The following VAT1L variants were observed in gnomAD, a reference collection of about 807,000 sequenced individuals.
The protein encoded by VAT1L is putative NADPH-dependent quinone oxidoreductase VAT1L.
VAT1L carries 34 observed loss-of-function variants against 44.1 expected under a neutral mutation model. That is an observed-to-expected ratio of 0.77 (90% CI 0.59 to 1.03). The LOEUF is 1.03. Ranked by LOEUF, VAT1L falls within the 50% of genes least tolerant of loss-of-function variation. The probability of loss-of-function intolerance (pLI) is 0.00; values close to 1 mark genes in which losing one functional copy is unlikely to be tolerated. For synonymous variants in VAT1L, 253 were observed against 202.2 expected (o/e 1.25, Z -2.13); for missense variants, 615 against 538.8 (o/e 1.14, Z -1.40).
intron 1 of VAT1L, among the ~76,000 whole-genome samples, chr16:77,794,407 C>T (rs1219348399): frequency 6.6e-6 from 1 of 152,142 alleles, no homozygotes; most frequent in Admixed American, 6.5e-5. Flanking sequence ...TGACTGTTGA[C>T]CCAGAACACC....
At chr16:77,790,811 GT>G (rs1232689073) in intron 1 of VAT1L, among the ~76,000 whole-genome samples, 1 of 152,158 alleles carries the variant, frequency 6.6e-6, no homozygotes, top group African/African-American at 2.4e-5. Flanking sequence ...ATAGTTCTGT[GT>G]TTTCCAGTCT....
intron 7 of VAT1L, among the ~76,000 whole-genome samples, chr16:77,947,406 A>C (rs1014050632): frequency 1.3e-5 from 2 of 152,216 alleles, no homozygotes; most frequent in African/African-American, 4.8e-5. Context: ...GGGTTTTAAC[A>C]GCATGTCTCA....
chr16:77,975,194 CTTTTTTTTTTTT>C (rs35017686), intron 8 of VAT1L, among the ~76,000 whole-genome samples: 18 of 39,862 alleles, frequency 4.5e-4, no homozygotes, highest in African/African-American at 1.1e-3. Flanking sequence ...GGAATGACCA[CTTTTTTTTTTTT>C]TTTTTTTTTT....
intron 7 of VAT1L, among the ~76,000 whole-genome samples, chr16:77,933,965 G>A (rs555221385): frequency 6.6e-6 from 1 of 152,170 alleles, no homozygotes; most frequent in Non-Finnish European, 1.5e-5. Context: ...TTTGGGCGAT[G>A]GAATGACGTG....
At position 77,788,656 on chromosome 16, in the gene VAT1L, C is replaced by T; in HGVS notation, c.-27C>T. The T allele has an allele frequency of 6.5e-7, 1 of 1,546,236 alleles. No individual in the cohort carries two copies. Among genetic ancestry groups the T allele is most frequent in the Non-Finnish European group, 8.7e-7 (1 of 1,145,350 alleles). On this transcript the variant is annotated 5_prime_UTR_variant, in exon 1 of 9. Coordinates refer to ENST00000302536, the MANE Select transcript of VAT1L (RefSeq NM_020927.3). ...GCCGCAGCCACCGCAGCCACCGCAG[C>T]CCGTGCGCCCCGCGCCCTCGAGCGC...
At chr16:77,844,775 A>G (rs748660398) in intron 3 of VAT1L, among the ~76,000 whole-genome samples, 2 of 152,134 alleles carry the variant, frequency 1.3e-5, no homozygotes, top group South Asian at 4.1e-4. Context: ...CCTGGAACCA[A>G]TCACACAAGG....
chr16:77,824,403 T>C (rs2016494107), intron 2 of VAT1L, among the ~76,000 whole-genome samples: 2 of 152,316 alleles, frequency 1.3e-5, no homozygotes, highest in Non-Finnish European at 2.9e-5. Context: ...TTGTGAAATG[T>C]ATTAGCTTTT....
intron 1 of VAT1L, among the ~76,000 whole-genome samples, chr16:77,803,821 T>G (rs3111350): frequency 0.89 from 134,663 of 152,158 alleles, 60,000 homozygotes; most frequent in Non-Finnish European, 0.94. Context: ...TTGGCTCCGA[T>G]GAGAAATCAA....
chr16:77,835,419 C>T (rs959461510), intron 3 of VAT1L, among the ~76,000 whole-genome samples: 2 of 152,112 alleles, frequency 1.3e-5, no homozygotes, highest in African/African-American at 2.4e-5. Flanking sequence ...CTGTGGCTGT[C>T]CCAGCATCAC....
intron 1 of VAT1L, among the ~76,000 whole-genome samples, chr16:77,805,654 AG>A (rs1401822416): frequency 6.6e-6 from 1 of 150,986 alleles, no homozygotes; most frequent in Non-Finnish European, 1.5e-5. Context: ...TAAAGTTCCG[AG>A]GCAGAGGGCT....
chr16:77,858,133 C>A (rs541410190), intron 3 of VAT1L, among the ~76,000 whole-genome samples: 59 of 152,112 alleles, frequency 3.9e-4, no homozygotes, highest in Non-Finnish European at 6.6e-4. Context: ...ACAGAGCTCA[C>A]AGATGGGGCA....
At chr16:77,863,019 G>A (rs895146945) in intron 4 of VAT1L, 129 bp downstream of exon 4, 6 of 1,159,650 alleles carry the variant, frequency 5.2e-6, no homozygotes, top group Non-Finnish European at 6.0e-6. Context: ...AGTATTATTA[G>A]CTCTGTGCCA....
intron 4 of VAT1L, among the ~76,000 whole-genome samples, chr16:77,869,865 C>G (rs930890092): frequency 6.6e-6 from 1 of 152,142 alleles, no homozygotes; most frequent in South Asian, 2.1e-4. Flanking sequence ...CTGCTTCACC[C>G]GATAGCAGTC....
chr16:77,931,490 A>C (rs530086373), intron 7 of VAT1L, among the ~76,000 whole-genome samples: 2 of 152,226 alleles, frequency 1.3e-5, no homozygotes, highest in Non-Finnish European at 2.9e-5. Flanking sequence ...GGGAAGGGGG[A>C]AAGAAGGGTT....
chr16:77,887,768 T>A (rs2017224231), intron 7 of VAT1L, among the ~76,000 whole-genome samples: 1 of 152,162 alleles, frequency 6.6e-6, no homozygotes. Context: ...TGAACATACT[T>A]CTTCCATCTT....
At chr16:77,956,223 A>T in intron 7 of VAT1L, among the ~76,000 whole-genome samples, 1 of 152,272 alleles carries the variant, frequency 6.6e-6, no homozygotes, top group Admixed American at 6.5e-5. Flanking sequence ...ACCCACAAAG[A>T]TTAAAAATTT....
At chr16:77,842,094 A>T (rs201247392) in intron 3 of VAT1L, among the ~76,000 whole-genome samples, 1 of 152,096 alleles carries the variant, frequency 6.6e-6, no homozygotes, top group African/African-American at 2.4e-5. Context: ...TCACCATGTT[A>T]GCCAGGATGG....
At chr16:77,851,201 G>A (rs2016805083) in intron 3 of VAT1L, among the ~76,000 whole-genome samples, 1 of 152,216 alleles carries the variant, frequency 6.6e-6, no homozygotes, top group South Asian at 2.1e-4. Flanking sequence ...CTGTGGTAGG[G>A]TAGAGCAGGG....
intron 7 of VAT1L, among the ~76,000 whole-genome samples, chr16:77,903,273 C>A (rs961430961): frequency 6.6e-6 from 1 of 152,134 alleles, no homozygotes; most frequent in Non-Finnish European, 1.5e-5. Context: ...TGATATTCCC[C>A]CCGCTATGTA....
Sources: gnomAD v4.1 joint callset for allele counts (sites outside exome capture counted in the v4.1 genomes callset) on GRCh38, gnomAD v4.1.1 for gene constraint, MANE v1.5 for transcripts, NCBI Gene and HGNC (gene_info 2026-07-23, HGNC 2026-07-21) for gene names.